CD6: variants seen among roughly 807,000 people sequenced by gnomAD.
The protein encoded by CD6 is CD6 molecule.
A neutral mutation model predicts 75.3 loss-of-function variants in CD6; 53 were observed. The ratio of observed to expected loss-of-function variants is 0.70; its 90% CI spans 0.56 to 0.88. The LOEUF is 0.88. Among genes scored for constraint, CD6 ranks in the 40% least tolerant of loss-of-function variants. The pLI, the probability that CD6 is intolerant of heterozygous loss-of-function variation, is 0.00. For synonymous variants in CD6, 359 were observed against 381.5 expected, an observed-to-expected ratio of 0.94 and a Z score of 0.69; for missense variants, 770 against 897.1, an observed-to-expected ratio of 0.86 and a Z score of 1.81.
At chr11:60,995,690 G>A (rs887288950) in intron 1 of CD6, among the ~76,000 whole-genome samples, 4 of 152,136 alleles carry the variant, frequency 2.6e-5, no homozygotes, top group Non-Finnish European at 5.9e-5. Flanking sequence ...TGGGGAAGGG[G>A]TGGGGGCAGT....
At position 61,013,911 on chromosome 11, in the gene CD6, T is replaced by TC. The variant is rs755045794; in HGVS notation, c.1292-5dup. ...TGACTTGTAGAATTTCTGCCTCCCCTCCCTCAGCCCTCCCCGTAATGGTGA... is the reference window on the plus strand; with the variant it reads ...TGACTTGTAGAATTTCTGCCTCCCCTCCCCTCAGCCCTCCCCGTAATGGTGA... On this transcript the variant is annotated splice_region_variant and splice_polypyrimidine_tract_variant and intron_variant, in intron 7 of 12. Coordinates refer to ENST00000313421, the MANE Select transcript of CD6 (RefSeq NM_006725.5). The TC allele has an allele frequency of 5.7e-5, 90 of 1,586,692 alleles. No individual in the cohort carries two copies. The highest frequency in any genetic ancestry group is 7.3e-5 in the Non-Finnish European group (85 of 1,166,214).
chr11:60,978,360 C>A (rs565529873), intron 1 of CD6, among the ~76,000 whole-genome samples: 36 of 152,178 alleles, frequency 2.4e-4, no homozygotes, highest in African/African-American at 6.5e-4. Context: ...TCCCAGTGAG[C>A]CCTGAGGTTG....
At chr11:60,973,353 C>T (rs1271924532) in intron 1 of CD6, among the ~76,000 whole-genome samples, 1 of 152,220 alleles carries the variant, frequency 6.6e-6, no homozygotes, top group Non-Finnish European at 1.5e-5. Context: ...GTCCTGGAGC[C>T]TCCAAGTTCC....
In CD6 at chr11:61,018,369, T is replaced by C; in HGVS notation, c.1918T>C (p.Ser640Pro). The change falls in exon 12 of 13, where the codon TCG becomes CCG. Residue 640 changes from serine to proline, a missense_variant. Transcript: ENST00000313421. The stretch of plus-strand genomic sequence containing the variant: ...CTTCCAGCCACCACCCCAGCCCCCT[T>C]CGGAGGAGCAGTTTGGCTGTCCAGG... Reference protein sequence around the residue: ...QNFQPPPQPPSEEQFGCPGSP... With the variant: ...QNFQPPPQPPPEEQFGCPGSP... The C allele has an allele frequency of 6.2e-7, 1 of 1,600,684 alleles. No individual in the cohort carries two copies. The highest frequency in any genetic ancestry group is 8.5e-7 in the Non-Finnish European group (1 of 1,173,804).
chr11:60,976,580 C>T (rs1008616750), intron 1 of CD6, among the ~76,000 whole-genome samples: 3 of 152,092 alleles, frequency 2.0e-5, no homozygotes, highest in Non-Finnish European at 2.9e-5. Context: ...AGCCACTTAC[C>T]AAGGAGGAAA....
chr11:61,017,441 G>C (rs761839480), intron 9 of CD6, 38 bp from the exon 10 acceptor site: 3 of 1,494,526 alleles, frequency 2.0e-6, no homozygotes, highest in Non-Finnish European at 2.7e-6. Context: ...TGATGAGGTT[G>C]AGCCTTCACC....
At chr11:60,993,838 G>C (rs1321618317) in intron 1 of CD6, among the ~76,000 whole-genome samples, 1 of 152,142 alleles carries the variant, frequency 6.6e-6, no homozygotes, top group Non-Finnish European at 1.5e-5. Context: ...TTCAGCAGAT[G>C]TTCATGGAAC....
In CD6 at chr11:61,013,486, C is replaced by T. The variant is rs1859247877; in HGVS notation, c.1214C>T (p.Ser405Phe). Residue 405 changes from serine to phenylalanine, a missense_variant, in exon 7 of 13, where the codon TCC (serine) becomes TTC (phenylalanine). Ser to Phe is a radical substitution (Grantham distance 155, BLOSUM62 -2). Transcript: ENST00000313421. ...CGGGAGCTAATGCTCCTCATCCCCT[C>T]CATCGTTCTGGGAATTCTCCTCCTT... ...ESRELMLLIP[S>F]IVLGILLLGS... The T allele has an allele frequency of 2.5e-6, 4 of 1,614,052 alleles. No individual in the cohort carries two copies. Among genetic ancestry groups the T allele is most frequent in the Non-Finnish European group, 3.4e-6 (4 of 1,179,890 alleles).
At chr11:60,982,686 A>G (rs1396340441) in intron 1 of CD6, 2 of 455,914 alleles carry the variant, frequency 4.4e-6, no homozygotes, top group Admixed American at 4.7e-5. Context: ...CCGGGATGGG[A>G]TTCTAGAAGT....
chr11:61,015,448 G>A, intron 8 of CD6: 1 of 410,384 alleles, frequency 2.4e-6, no homozygotes, highest in South Asian at 3.9e-5. Context: ...GTGCATGCCT[G>A]TGGTCCCAGC....
At chr11:60,995,424 T>C (rs1858251394) in intron 1 of CD6, among the ~76,000 whole-genome samples, 1 of 152,174 alleles carries the variant, frequency 6.6e-6, no homozygotes, top group Non-Finnish European at 1.5e-5. Flanking sequence ...GGATTACAGA[T>C]GTGAGCCACC....
intron 1 of CD6, among the ~76,000 whole-genome samples, chr11:60,986,414 C>T (rs761343269): frequency 1.1e-4 from 16 of 152,290 alleles, no homozygotes; most frequent in South Asian, 4.1e-4. Context: ...CCACCACTTC[C>T]GCCATGACCT....
At position 60,971,931 on chromosome 11, in the gene CD6, C is replaced by T. The variant is rs1304707397; in HGVS notation, c.49+17C>T. On this transcript the variant is annotated intron_variant, in intron 1 of 12. Transcript: ENST00000313421. ...CCCTCTCAGGTAGGCCCCCTTCCCT[C>T]ATCTCCTGCCACTGGTGCTGGAGGA... The T allele has an allele frequency of 1.9e-6, 3 of 1,612,908 alleles. No individual in the cohort carries two copies. Among genetic ancestry groups the T allele is most frequent in the Non-Finnish European group, 2.5e-6 (3 of 1,179,496 alleles).
At position 60,971,777 on chromosome 11, in the gene CD6, GGGGCGCACAAC is replaced by G; in HGVS notation, c.-86_-76del. The G allele has an allele frequency of 7.6e-7, 1 of 1,310,602 alleles. No individual in the cohort carries two copies. The highest frequency in any genetic ancestry group is 1.2e-5 in the South Asian group (1 of 82,120). The allele number at this position is 1,310,602 out of a possible 1,614,324, so 81.2% of individuals were successfully genotyped here. Reference sequence around the variant, plus strand: ...CAAAGGGTAGAGCAGACCTGCGCCAGGGGCGCACAACGGCCGTGTCCACCTCCCGGCCCCAA... The same window carrying G: ...CAAAGGGTAGAGCAGACCTGCGCCAGGGCCGTGTCCACCTCCCGGCCCCAA... On this transcript the variant is annotated 5_prime_UTR_variant, in exon 1 of 13. Coordinates refer to ENST00000313421, the MANE Select transcript of CD6 (RefSeq NM_006725.5).
chr11:61,002,291 A>G (rs912128502), intron 1 of CD6, among the ~76,000 whole-genome samples: 8 of 152,148 alleles, frequency 5.3e-5, no homozygotes, highest in Admixed American at 5.2e-4. Context: ...GGTGGCTCAC[A>G]CCTGTATGCC....
chr11:61,015,698 C>CATGCCA lies in CD6; in HGVS notation c.1388-15_1388-14insATGCCA. 6.2e-7 allele frequency: 1 copy of CATGCCA among 1,614,142 alleles called. No individual in the cohort carries two copies. Among genetic ancestry groups the CATGCCA allele is most frequent in the Non-Finnish European group, 8.5e-7 (1 of 1,179,976 alleles). On this transcript the variant is annotated splice_polypyrimidine_tract_variant and intron_variant, in intron 8 of 12. Coordinates refer to ENST00000313421, the MANE Select transcript of CD6 (RefSeq NM_006725.5). ...CCACCACTTTGCCATGCCCTCGACTCTGTTCTCTCCCCAGTTTTCATGCTG... is the reference window on the plus strand; with the variant it reads ...CCACCACTTTGCCATGCCCTCGACTCATGCCATGTTCTCTCCCCAGTTTTCATGCTG...
Position 60,971,800 on chromosome 11 carries a change from C to T in CD6, c.-66C>T, listed in dbSNP as rs1857192174. 1.3e-6 allele frequency: 2 copies of T among 1,539,880 alleles called. No individual in the cohort carries two copies. Among genetic ancestry groups the T allele is most frequent in the Admixed American group, 1.7e-5 (1 of 57,990 alleles). On this transcript the variant is annotated 5_prime_UTR_variant, in exon 1 of 13. Coordinates refer to ENST00000313421, the MANE Select transcript of CD6 (RefSeq NM_006725.5). ...CAGGGGCGCACAACGGCCGTGTCCA[C>T]CTCCCGGCCCCAAGATGGTGCTTCC...
chr11:61,005,185 CAGA>C, intron 1 of CD6, among the ~76,000 whole-genome samples: 1 of 152,362 alleles, frequency 6.6e-6, no homozygotes, highest in East Asian at 1.9e-4. Flanking sequence ...GACTTATTTA[CAGA>C]AGAACTATTT....
chr11:60,976,723 G>A (rs1371796290), intron 1 of CD6, among the ~76,000 whole-genome samples: 3 of 152,182 alleles, frequency 2.0e-5, no homozygotes, highest in Non-Finnish European at 4.4e-5. Flanking sequence ...TGTTGCTGAT[G>A]GATGCGCTTG....
Sources: allele counts gnomAD v4.1 joint callset (sites outside exome capture counted in the v4.1 genomes callset), GRCh38; gene constraint gnomAD v4.1.1; transcripts MANE v1.5; gene names NCBI Gene and HGNC (gene_info 2026-07-23, HGNC 2026-07-21).